The following ZMYM2 variants were observed in gnomAD, a reference collection of about 807,000 sequenced individuals.
The protein encoded by ZMYM2 is zinc finger MYM-type protein 2.
A neutral mutation model predicts 162.8 loss-of-function variants in ZMYM2; 56 were observed. The ratio of observed to expected loss-of-function variants is 0.34; its 90% CI spans 0.28 to 0.43. The LOEUF (loss-of-function observed/expected upper bound fraction) is 0.43, where lower values mean the gene tolerates loss of function less well. Among genes scored for constraint, ZMYM2 ranks in the 20% least tolerant of loss-of-function variants. The pLI is 1.00. For synonymous variants in ZMYM2, 510 were observed against 541.6 expected (o/e 0.94, Z 0.81); for missense variants, 1,275 against 1,621.8 (o/e 0.79, Z 3.67).
At position 20,003,071 on chromosome 13, in the gene ZMYM2, A is replaced by T; in HGVS notation, c.1069A>T (p.Thr357Ser). The T allele has an allele frequency of 6.2e-7, 1 of 1,614,226 alleles. No individual in the cohort carries two copies. The highest frequency in any genetic ancestry group is 8.5e-7 in the Non-Finnish European group (1 of 1,180,030). ...RKGSAHLFCSTTCLSSFSHKP... is the reference protein window; with the variant it reads ...RKGSAHLFCSSTCLSSFSHKP... The stretch of plus-strand genomic sequence containing the variant: ...AGGATCAGCTCACCTCTTTTGTTCT[A>T]CCACCTGCCTTTCTTCCTTCTCCCA... The change falls in exon 4 of 25, where the codon ACC becomes TCC. Residue 357 changes from threonine to serine, a missense_variant. Physicochemically the swap from Thr to Ser is moderately conservative, Grantham distance 58. Coordinates refer to ENST00000610343, the MANE Select transcript of ZMYM2 (RefSeq NM_197968.4).
intron 17 of ZMYM2, among the ~76,000 whole-genome samples, 187 bp from the exon 18 acceptor site, chr13:20,062,655 CTAAT>C (rs1178675467): frequency 1.3e-5 from 2 of 152,110 alleles, no homozygotes; most frequent in African/African-American, 4.8e-5. Flanking sequence ...GTGCTTGTGA[CTAAT>C]TATGAGGTTT....
chr13:19,902,446 A>G, the ZMYM2 span, among the ~76,000 whole-genome samples: 2 of 151,796 alleles, frequency 1.3e-5, no homozygotes, highest in Non-Finnish European at 2.9e-5. Context: ...GAGAAACCCC[A>G]TCTCTACTAA....
chr13:20,079,677 CAAG>C (rs35368528), intron 21 of ZMYM2, among the ~76,000 whole-genome samples: 21,662 of 152,182 alleles, frequency 0.14, 1,930 homozygotes, highest in South Asian at 0.24. Context: ...CATTCTGTAA[CAAG>C]AACAGCAGAT....
chr13:19,928,325 A>G, the ZMYM2 span, among the ~76,000 whole-genome samples: 1 of 152,074 alleles, frequency 6.6e-6, no homozygotes, highest in African/African-American at 2.4e-5. Context: ...ATTGATTTGT[A>G]GGAATATTTA....
intron 12 of ZMYM2, among the ~76,000 whole-genome samples, chr13:20,043,507 G>C (rs1034913108): frequency 6.6e-6 from 1 of 152,142 alleles, no homozygotes; most frequent in Non-Finnish European, 1.5e-5. Flanking sequence ...TGCACTGGTG[G>C]TGGTGGTGGT....
At chr13:20,017,782 C>G (rs1206229882) in intron 6 of ZMYM2, among the ~76,000 whole-genome samples, 2 of 151,908 alleles carry the variant, frequency 1.3e-5, no homozygotes, top group East Asian at 3.9e-4. Context: ...CTAGAAGTTT[C>G]TGTGTTTTCA....
intron 10 of ZMYM2, among the ~76,000 whole-genome samples, chr13:20,031,865 G>GTTTTTTTTTTTTTTTTTTTT (rs10642086): frequency 2.5e-4 from 32 of 130,276 alleles, no homozygotes; most frequent in Non-Finnish European, 2.6e-4. Flanking sequence ...TTCTGTAATT[G>GTTTTTTTTTTTTTTTTTTTT]TTTTTTTTTT....
chr13:20,039,832 A>G (rs901157237), intron 12 of ZMYM2, among the ~76,000 whole-genome samples: 11 of 152,160 alleles, frequency 7.2e-5, no homozygotes, highest in African/African-American at 2.7e-4. Context: ...TTCTGCATCT[A>G]TTGAGATAAT....
intron 3 of ZMYM2, 97 bp from the exon 4 acceptor site, chr13:20,002,753 G>T (rs1410278214): frequency 2.8e-6 from 4 of 1,449,164 alleles, no homozygotes; most frequent in Admixed American, 2.2e-5. Flanking sequence ...TCTTAAAATT[G>T]TACAAAATGG....
chr13:20,067,223 T>C lies in ZMYM2; in HGVS notation c.3302-16T>C. 1 of 1,517,992 alleles carries C rather than the reference T, an allele frequency of 6.6e-7. No homozygotes were observed. The highest frequency in any genetic ancestry group is 8.9e-7 in the Non-Finnish European group (1 of 1,127,584). The allele number at this position is 1,517,992 out of a possible 1,614,324, so 94.0% of individuals were successfully genotyped here. A position where few individuals can be genotyped will look rare whatever the true frequency, so the allele number is the denominator to read the frequency against. On this transcript the variant is annotated splice_polypyrimidine_tract_variant and intron_variant, in intron 20 of 24. Coordinates refer to ENST00000610343, the MANE Select transcript of ZMYM2 (RefSeq NM_197968.4). ...GCTAAATAATAACAATTATTTTTTA[T>C]TTTATGTATTTTTAGCTAAATCAGT...
the ZMYM2 span, among the ~76,000 whole-genome samples, chr13:19,910,221 T>C: frequency 6.6e-6 from 1 of 151,708 alleles, no homozygotes; most frequent in Non-Finnish European, 1.5e-5. Flanking sequence ...AGCGAAACTC[T>C]GTCTTAAAAA....
At chr13:20,018,381 A>G (rs934004898) in intron 6 of ZMYM2, among the ~76,000 whole-genome samples, 1 of 152,172 alleles carries the variant, frequency 6.6e-6, no homozygotes, top group African/African-American at 2.4e-5. Flanking sequence ...TGATAAAGAG[A>G]CCCAATTGGA....
the ZMYM2 span, among the ~76,000 whole-genome samples, chr13:19,941,180 G>A: frequency 6.6e-6 from 1 of 152,056 alleles, no homozygotes; most frequent in Admixed American, 6.6e-5. Context: ...GTTGTGGTTT[G>A]TGCCTGTGGT....
Position 20,059,570 on chromosome 13 carries a change from A to G in ZMYM2, c.2739+8A>G. 1 of 1,101,224 alleles carries G rather than the reference A, an allele frequency of 9.1e-7. No individual in the cohort carries two copies. The highest frequency in any genetic ancestry group is 1.4e-6 in the Non-Finnish European group (1 of 712,462). The allele number at this position is 1,101,224 out of a possible 1,614,324, so 68.2% of individuals were successfully genotyped here. A position where few individuals can be genotyped will look rare whatever the true frequency, so the allele number is the denominator to read the frequency against. On this transcript the variant is annotated splice_region_variant and intron_variant, in intron 16 of 24. Coordinates refer to ENST00000610343, the MANE Select transcript of ZMYM2 (RefSeq NM_197968.4). ...ACTACAGTTCCTGTTCCTGTAAGTC[A>G]CATTTTAAGTTCTTTCTCATTTTGA...
At chr13:19,921,360 G>C in the ZMYM2 span, among the ~76,000 whole-genome samples, 1 of 151,976 alleles carries the variant, frequency 6.6e-6, no homozygotes, top group African/African-American at 2.4e-5. Context: ...GGCTGGTCTT[G>C]AACTCCTGAC....
intron 2 of ZMYM2, among the ~76,000 whole-genome samples, chr13:19,974,992 A>G (rs1252553481): frequency 3.3e-5 from 5 of 152,046 alleles, no homozygotes; most frequent in Non-Finnish European, 7.4e-5. Context: ...GTAGATACAT[A>G]TTTAAGAGTG....
At chr13:19,931,032 G>A in the ZMYM2 span, among the ~76,000 whole-genome samples, 1 of 151,286 alleles carries the variant, frequency 6.6e-6, no homozygotes, top group Admixed American at 6.6e-5. Flanking sequence ...CTAGCTACTT[G>A]GGGGGCTGAG....
At chr13:20,082,218 C>A in intron 22 of ZMYM2, 88 bp downstream of exon 22, 1 of 979,930 alleles carries the variant, frequency 1.0e-6, no homozygotes, top group South Asian at 1.7e-5. Context: ...ATAATTAAGT[C>A]ACTTAAATTA....
chr13:19,885,919 A>G, the ZMYM2 span, among the ~76,000 whole-genome samples: 359 of 49,754 alleles, frequency 7.2e-3, 141 homozygotes, highest in East Asian at 0.18. Context: ...GTATATACAC[A>G]TATATATGTG....
Sources: allele counts gnomAD v4.1 joint callset (sites outside exome capture counted in the v4.1 genomes callset), GRCh38; gene constraint gnomAD v4.1.1; transcripts MANE v1.5; gene names NCBI Gene and HGNC (gene_info 2026-07-23, HGNC 2026-07-21).